The following TBC1D5 variants were observed in gnomAD, a reference collection of about 807,000 sequenced individuals.
TBC1D5 encodes TBC1 domain family, member 5.
Under a neutral mutation model 100.3 loss-of-function variants are expected in TBC1D5, and 75 were observed. The ratio of observed to expected loss-of-function variants is 0.75; its 90% CI spans 0.62 to 0.91. The LOEUF is 0.91. TBC1D5 is among the 40% of genes least tolerant of loss of function. The pLI, the probability that TBC1D5 is intolerant of heterozygous loss-of-function variation, is 0.00. For synonymous variants in TBC1D5, 323 were observed against 325.6 expected (o/e 0.99, Z 0.09); for missense variants, 910 against 942.4 (o/e 0.97, Z 0.45).
chr3:17,683,763 G>A (rs765260256), intron 1 of TBC1D5, among the ~76,000 whole-genome samples: 4 of 152,072 alleles, frequency 2.6e-5, no homozygotes, highest in Admixed American at 6.6e-5. Context: ...TCTTCAACTC[G>A]AAAATGAACA....
intron 3 of TBC1D5, among the ~76,000 whole-genome samples, chr3:17,435,450 G>GA (rs1042254415): frequency 6.6e-6 from 1 of 152,158 alleles, no homozygotes; most frequent in African/African-American, 2.4e-5. Context: ...GATGGAAGGG[G>GA]AAGCAAATAT....
At chr3:17,313,726 T>G (rs1575275928) in intron 13 of TBC1D5, among the ~76,000 whole-genome samples, 3 of 152,146 alleles carry the variant, frequency 2.0e-5, no homozygotes, top group Admixed American at 2.0e-4. Context: ...CTGAGAAATA[T>G]CAGGATCTAT....
At chr3:17,715,012 G>C (rs910256918) in intron 1 of TBC1D5, among the ~76,000 whole-genome samples, 1 of 152,176 alleles carries the variant, frequency 6.6e-6, no homozygotes, top group African/African-American at 2.4e-5. Flanking sequence ...AAGGAAGATA[G>C]CAGTAACAAT....
At chr3:17,721,218 T>A (rs1381383755) in intron 1 of TBC1D5, among the ~76,000 whole-genome samples, 1 of 152,098 alleles carries the variant, frequency 6.6e-6, no homozygotes, top group Non-Finnish European at 1.5e-5. Context: ...AAAATCTAGG[T>A]CTATCAAATA....
intron 18 of TBC1D5, among the ~76,000 whole-genome samples, chr3:17,195,837 A>G (rs2070610159): frequency 6.6e-6 from 1 of 152,012 alleles, no homozygotes; most frequent in African/African-American, 2.4e-5. Flanking sequence ...TAATTCTCTA[A>G]ATTGCCTGGT....
intron 3 of TBC1D5, among the ~76,000 whole-genome samples, chr3:17,507,010 C>G (rs1032545090): frequency 6.6e-6 from 1 of 152,038 alleles, no homozygotes; most frequent in East Asian, 1.9e-4. Context: ...AACAAGACTC[C>G]GTCTCAAAAA....
intron 13 of TBC1D5, among the ~76,000 whole-genome samples, chr3:17,346,138 A>T (rs867339871): frequency 3.9e-5 from 6 of 152,316 alleles, no homozygotes; most frequent in Admixed American, 1.3e-4. Context: ...AACTCTGTAG[A>T]TCATTAATTA....
chr3:17,584,794 T>G (rs1166749332), intron 2 of TBC1D5, among the ~76,000 whole-genome samples: 3 of 152,184 alleles, frequency 2.0e-5, no homozygotes, highest in Non-Finnish European at 4.4e-5. Flanking sequence ...GTAGCTGGGA[T>G]TACAGGTGCC....
chr3:17,460,557 T>C (rs962701536), intron 3 of TBC1D5, among the ~76,000 whole-genome samples: 1 of 152,196 alleles, frequency 6.6e-6, no homozygotes, highest in Non-Finnish European at 1.5e-5. Context: ...CTCAGCCATT[T>C]TTCCCCTTTA....
At chr3:17,187,658 T>C (rs2069304101) in intron 18 of TBC1D5, among the ~76,000 whole-genome samples, 1 of 152,240 alleles carries the variant, frequency 6.6e-6, no homozygotes, top group African/African-American at 2.4e-5. Context: ...ACTTAGCATA[T>C]GGCATGAGGA....
intron 17 of TBC1D5, among the ~76,000 whole-genome samples, chr3:17,225,446 A>T (rs1170547093): frequency 6.6e-6 from 1 of 151,012 alleles, no homozygotes; most frequent in East Asian, 1.9e-4. Flanking sequence ...TCTCAAAAAA[A>T]AAAAAAAAAA....
chr3:17,649,222 G>A (rs1164236176), intron 1 of TBC1D5, among the ~76,000 whole-genome samples: 5 of 152,068 alleles, frequency 3.3e-5, no homozygotes, highest in Non-Finnish European at 5.9e-5. Flanking sequence ...GCAAATTAAC[G>A]CACAACAGAA....
intron 8 of TBC1D5, among the ~76,000 whole-genome samples, chr3:17,388,854 C>T (rs114476880): frequency 0.028 from 4,321 of 151,952 alleles, 78 homozygotes; most frequent in Middle Eastern, 0.048. Flanking sequence ...GAGAGACACA[C>T]CCTGTCTCGA....
exon 22 of TBC1D5, chr3:17,158,357 T>G (rs550100022): frequency 6.6e-6 from 1 of 152,208 alleles, no homozygotes; most frequent in Non-Finnish European, 1.5e-5. Flanking sequence ...CACAATATAT[T>G]CAGGATTTAA....
chr3:17,593,012 A>G (rs1361273412), intron 2 of TBC1D5, among the ~76,000 whole-genome samples: 1 of 152,118 alleles, frequency 6.6e-6, no homozygotes, highest in African/African-American at 2.4e-5. Context: ...GCATTATATC[A>G]TCAAATCCAA....
At chr3:17,354,567 T>C (rs1559704279) in intron 13 of TBC1D5, among the ~76,000 whole-genome samples, 2 of 152,104 alleles carry the variant, frequency 1.3e-5, no homozygotes, top group Admixed American at 6.6e-5. Flanking sequence ...GAGTTGGTAT[T>C]ATAAAGATGC....
At chr3:17,387,486 G>T (rs995800510) in intron 8 of TBC1D5, among the ~76,000 whole-genome samples, 2 of 152,022 alleles carry the variant, frequency 1.3e-5, no homozygotes, top group African/African-American at 2.4e-5. Context: ...AAAAATACTT[G>T]ATGGTCACAG....
chr3:17,679,436 A>G (rs1166577758), intron 1 of TBC1D5, among the ~76,000 whole-genome samples: 1 of 151,580 alleles, frequency 6.6e-6, no homozygotes, highest in Non-Finnish European at 1.5e-5. Flanking sequence ...TGAAACTTCA[A>G]TATTCAAAAT....
intron 4 of TBC1D5, among the ~76,000 whole-genome samples, chr3:17,407,187 G>A (rs537752910): frequency 6.6e-6 from 1 of 152,110 alleles, no homozygotes; most frequent in African/African-American, 2.4e-5. Flanking sequence ...ACTGAAATAT[G>A]CCTCCCAGGC....
Sources: gnomAD v4.1 joint callset for allele counts (sites outside exome capture counted in the v4.1 genomes callset) on GRCh38, gnomAD v4.1.1 for gene constraint, MANE v1.5 for transcripts, NCBI Gene and HGNC (gene_info 2026-07-23, HGNC 2026-07-21) for gene names.